Variants in SNTG1 observed in about 807,000 individuals in gnomAD.
The protein encoded by SNTG1 is gamma-1-syntrophin.
Under a neutral mutation model 74.7 loss-of-function variants are expected in SNTG1, and 39 were observed. That is an observed-to-expected ratio of 0.52 (90% CI 0.40 to 0.68). SNTG1 has a LOEUF of 0.68. Ranked by LOEUF, SNTG1 falls within the 30% of genes least tolerant of loss-of-function variation. The pLI is 0.00. For synonymous variants in SNTG1, 254 were observed against 217.1 expected, an observed-to-expected ratio of 1.17 and a Z score of -1.49; for missense variants, 685 against 609.5, an observed-to-expected ratio of 1.12 and a Z score of -1.30.
chr8:50,551,704 ACTTT>A (rs1163281842), intron 11 of SNTG1, among the ~76,000 whole-genome samples: 2 of 152,140 alleles, frequency 1.3e-5, no homozygotes, highest in Admixed American at 1.3e-4. Context: ...ATTCAAACTA[ACTTT>A]CTTTCAAAAA....
At chr8:50,002,937 C>T (rs1458053010) in intron 1 of SNTG1, among the ~76,000 whole-genome samples, 1 of 152,098 alleles carries the variant, frequency 6.6e-6, no homozygotes, top group Non-Finnish European at 1.5e-5. Flanking sequence ...GGTACTGATA[C>T]ATGCTACAAC....
At chr8:50,379,010 A>T (rs1371594492) in intron 2 of SNTG1, among the ~76,000 whole-genome samples, 1 of 151,820 alleles carries the variant, frequency 6.6e-6, no homozygotes, top group African/African-American at 2.4e-5. Context: ...GCCCCCTTTC[A>T]CCCAGGAACC....
intron 2 of SNTG1, among the ~76,000 whole-genome samples, chr8:50,324,534 A>G (rs1444896295): frequency 6.6e-6 from 1 of 152,154 alleles, no homozygotes; most frequent in Non-Finnish European, 1.5e-5. Context: ...AGGAGGGATG[A>G]ACAGTACTGT....
intron 2 of SNTG1, among the ~76,000 whole-genome samples, chr8:50,263,075 A>C (rs759662023): frequency 2.6e-5 from 4 of 152,186 alleles, no homozygotes; most frequent in African/African-American, 4.8e-5. Flanking sequence ...ATGTATGTAC[A>C]CAAGAGTGAA....
At chr8:50,067,578 G>T (rs927711686) in intron 1 of SNTG1, among the ~76,000 whole-genome samples, 5 of 152,152 alleles carry the variant, frequency 3.3e-5, no homozygotes, top group African/African-American at 1.2e-4. Flanking sequence ...TTGACAATCT[G>T]TAAGTTGCTT....
intron 8 of SNTG1, among the ~76,000 whole-genome samples, chr8:50,460,812 T>A (rs1013825095): frequency 1.3e-5 from 2 of 152,116 alleles, no homozygotes; most frequent in Non-Finnish European, 2.9e-5. Context: ...TGGTTTTATA[T>A]CTAGGTTCTG....
At chr8:50,285,678 C>A (rs1462797831) in intron 2 of SNTG1, among the ~76,000 whole-genome samples, 1 of 151,830 alleles carries the variant, frequency 6.6e-6, no homozygotes, top group Non-Finnish European at 1.5e-5. Context: ...AAATTGAGTT[C>A]ATCAATAAAA....
At chr8:50,257,306 A>C (rs1028948814) in intron 2 of SNTG1, among the ~76,000 whole-genome samples, 2 of 152,096 alleles carry the variant, frequency 1.3e-5, no homozygotes, top group African/African-American at 4.8e-5. Flanking sequence ...TGCCAGGAGG[A>C]GAAAACTAAA....
intron 15 of SNTG1, among the ~76,000 whole-genome samples, chr8:50,663,913 C>G (rs1293035050): frequency 6.6e-6 from 1 of 152,082 alleles, no homozygotes; most frequent in Non-Finnish European, 1.5e-5. Context: ...ACTAAGCCTC[C>G]CATTGGGTAA....
At chr8:50,536,537 G>T in intron 10 of SNTG1, 141 bp from the exon 11 acceptor site, 1 of 927,652 alleles carries the variant, frequency 1.1e-6, no homozygotes, top group Non-Finnish European at 1.6e-6. Context: ...TCCATAATTT[G>T]GACTTCTTCT....
At chr8:50,056,850 G>A (rs1020232163) in intron 1 of SNTG1, among the ~76,000 whole-genome samples, 2 of 152,156 alleles carry the variant, frequency 1.3e-5, no homozygotes, top group African/African-American at 4.8e-5. Flanking sequence ...GGCTGCATTT[G>A]TTAGGATCAA....
intron 13 of SNTG1, among the ~76,000 whole-genome samples, chr8:50,644,912 C>T (rs2095097630): frequency 6.9e-6 from 1 of 144,690 alleles, no homozygotes; most frequent in African/African-American, 2.6e-5. Context: ...CTTGCTATGC[C>T]CAGGTGCTTT....
rs545950518 is a variant in SNTG1 at position 50,669,696 on chromosome 8, C to T, written c.1038+11033C>T. Among the ~76,000 whole-genome samples the T allele has an allele frequency of 9.5e-4, 144 of 152,270 alleles. 1 individual carries two copies. The highest frequency in any genetic ancestry group is 3.4e-3 in the African/African-American group (140 of 41,562). On this transcript the variant is annotated intron_variant, in intron 15 of 18. Coordinates refer to ENST00000642720, the MANE Select transcript of SNTG1 (RefSeq NM_018967.5). ...ATCCTCCCTAACTCATTTTATGAGG[C>T]CAGCATCATCCTGATACAAAAGCCT...
intron 15 of SNTG1, among the ~76,000 whole-genome samples, chr8:50,664,950 G>A (rs2095243397): frequency 6.6e-6 from 1 of 152,156 alleles, no homozygotes. Context: ...CATTTTGTTT[G>A]TAGATATTCA....
At chr8:50,640,964 C>T (rs1334549518) in intron 13 of SNTG1, among the ~76,000 whole-genome samples, 1 of 152,104 alleles carries the variant, frequency 6.6e-6, no homozygotes, top group East Asian at 1.9e-4. Flanking sequence ...GTCACTTATC[C>T]AGCTTAAATT....
intron 2 of SNTG1, among the ~76,000 whole-genome samples, chr8:50,379,964 G>A (rs1275336631): frequency 1.3e-5 from 2 of 152,184 alleles, no homozygotes; most frequent in Non-Finnish European, 2.9e-5. Context: ...TTGGACATGA[G>A]GGCAGCAATG....
chr8:50,201,376 A>G (rs1476957752), intron 2 of SNTG1, among the ~76,000 whole-genome samples: 5 of 152,346 alleles, frequency 3.3e-5, no homozygotes, highest in Non-Finnish European at 7.3e-5. Flanking sequence ...AAGATAACAC[A>G]AAGAGTTTCC....
chr8:50,480,995 A>T (rs2093735199), intron 8 of SNTG1, among the ~76,000 whole-genome samples: 1 of 152,206 alleles, frequency 6.6e-6, no homozygotes, highest in Non-Finnish European at 1.5e-5. Flanking sequence ...AAAAAGTATT[A>T]CTAAAAGTTG....
At position 50,530,423 on chromosome 8, in the gene SNTG1, A is replaced by G. The variant is rs574896325; in HGVS notation, c.549+164A>G. Reference sequence around the variant, plus strand: ...GCAAAATAAATAGATCAGGTTTCTTATGCCATTTTTTTCCCCTCTCAAGTC... The same window carrying G: ...GCAAAATAAATAGATCAGGTTTCTTGTGCCATTTTTTTCCCCTCTCAAGTC... On this transcript the variant is annotated intron_variant, in intron 10 of 18. Transcript: ENST00000642720. Among the ~76,000 whole-genome samples, 227 of 148,544 alleles carry G rather than the reference A, an allele frequency of 1.5e-3. 1 individual carries two copies. Among genetic ancestry groups the G allele is most frequent in the African/African-American group, 5.3e-3 (212 of 39,924 alleles).
Sources: allele counts gnomAD v4.1 joint callset (sites outside exome capture counted in the v4.1 genomes callset), GRCh38; gene constraint gnomAD v4.1.1; transcripts MANE v1.5; gene names NCBI Gene and HGNC (gene_info 2026-07-23, HGNC 2026-07-21).